Variants in ARSB observed in about 807,000 individuals in gnomAD.
The protein encoded by ARSB is N-acetylgalactosamine-4-sulfatase.
ARSB carries 41 observed loss-of-function variants against 50.9 expected under a neutral mutation model. The observed-to-expected ratio is 0.81, with a 90% confidence interval of 0.63 to 1.04. ARSB has a LOEUF of 1.04. ARSB is among the 50% of genes least tolerant of loss of function. The probability of loss-of-function intolerance (pLI) is 0.00; values close to 1 mark genes in which losing one functional copy is unlikely to be tolerated. For synonymous variants in ARSB, 269 were observed against 284.8 expected (o/e 0.94, Z 0.56); for missense variants, 672 against 693.3 (o/e 0.97, Z 0.35).
At chr5:78,933,496 C>CT (rs937159292) in intron 4 of ARSB, among the ~76,000 whole-genome samples, 9 of 152,046 alleles carry the variant, frequency 5.9e-5, no homozygotes, top group African/African-American at 2.2e-4. Context: ...ACAACAATTA[C>CT]TTTTTTTTGT....
chr5:78,827,448 C>A (rs1390186711), intron 6 of ARSB, among the ~76,000 whole-genome samples: 1 of 152,102 alleles, frequency 6.6e-6, no homozygotes, highest in South Asian at 2.1e-4. Flanking sequence ...TGGCCTCATG[C>A]AATCCACCCA....
Position 78,814,396 on chromosome 5 carries a change from T to C in ARSB, c.1213+24960A>G, listed in dbSNP as rs140907498. 5.8e-4 allele frequency among the ~76,000 whole-genome samples: 87 copies of C among 151,120 alleles called. 7 individuals carry two copies. Among genetic ancestry groups the C allele is most frequent in the African/African-American group, 2.0e-3 (80 of 40,904 alleles). ...CTAATAAGAAAGGAGAAAGAACCTG[T>C]GGGTCAAAAAGGATCATCATGAAGC... On this transcript the variant is annotated intron_variant, in intron 6 of 7. Transcript: ENST00000264914.
At chr5:78,810,972 A>G (rs1333415025) in intron 6 of ARSB, among the ~76,000 whole-genome samples, 1 of 152,262 alleles carries the variant, frequency 6.6e-6, no homozygotes, top group Non-Finnish European at 1.5e-5. Context: ...AAGTTTCTAT[A>G]GAAAATTCAG....
At chr5:78,927,459 CT>C (rs1461020890) in intron 4 of ARSB, among the ~76,000 whole-genome samples, 3 of 152,172 alleles carry the variant, frequency 2.0e-5, no homozygotes, top group African/African-American at 7.2e-5. Flanking sequence ...TAACTGAGCT[CT>C]TCCTGCCATT....
At chr5:78,890,079 G>C (rs972805622) in intron 4 of ARSB, among the ~76,000 whole-genome samples, 3 of 152,086 alleles carry the variant, frequency 2.0e-5, no homozygotes, top group Admixed American at 1.3e-4. Flanking sequence ...GCTTGTTGAT[G>C]GTTGATTCTT....
chr5:78,819,833 T>C (rs1158030213), intron 6 of ARSB, among the ~76,000 whole-genome samples: 1 of 152,198 alleles, frequency 6.6e-6, no homozygotes, highest in Non-Finnish European at 1.5e-5. Context: ...CACTGGCAAA[T>C]GGCACAGAAG....
At chr5:78,955,975 T>G (rs576620539) in intron 3 of ARSB, among the ~76,000 whole-genome samples, 1 of 152,330 alleles carries the variant, frequency 6.6e-6, no homozygotes, top group South Asian at 2.1e-4. Context: ...AAGAAACATT[T>G]TGGCAGTTCC....
chr5:78,881,396 T>C (rs1747739531), intron 5 of ARSB, among the ~76,000 whole-genome samples: 5 of 151,506 alleles, frequency 3.3e-5, no homozygotes, highest in Admixed American at 3.3e-4. Context: ...GACATCCATG[T>C]AGAAGACATA....
intron 4 of ARSB, among the ~76,000 whole-genome samples, chr5:78,947,402 G>A (rs897183218): frequency 6.6e-6 from 1 of 152,044 alleles, no homozygotes; most frequent in Non-Finnish European, 1.5e-5. Context: ...CAAATAACCA[G>A]ACTATATAAG....
At chr5:78,889,493 G>A (rs887717120) in intron 4 of ARSB, among the ~76,000 whole-genome samples, 3 of 152,124 alleles carry the variant, frequency 2.0e-5, no homozygotes, top group Non-Finnish European at 4.4e-5. Flanking sequence ...GCAAAGAAAC[G>A]TTTTTTCAGG....
At chr5:78,834,115 C>T (rs11740104) in intron 6 of ARSB, among the ~76,000 whole-genome samples, 31,246 of 151,910 alleles carry the variant, frequency 0.21, 3,910 homozygotes, top group Non-Finnish European at 0.27. Flanking sequence ...CAACTTACTA[C>T]GATGTTAGGT....
At chr5:78,905,030 G>A (rs55658241) in intron 4 of ARSB, among the ~76,000 whole-genome samples, 52,859 of 152,034 alleles carry the variant, frequency 0.35, 11,174 homozygotes, top group Non-Finnish European at 0.44. Flanking sequence ...GAAGTTCACC[G>A]ACTCTTCTTT....
At position 78,854,049 on chromosome 5, in the gene ARSB, A is replaced by G. The variant is rs573462680; in HGVS notation, c.1143-14623T>C. ...TGCCTCGCCCTGCTTAGGCTTGCGC[A>G]TGGTGCGCTGCACCCACTGTCCTGT... On this transcript the variant is annotated intron_variant, in intron 5 of 7. Coordinates refer to ENST00000264914, the MANE Select transcript of ARSB (RefSeq NM_000046.5). Among the ~76,000 whole-genome samples the G allele has an allele frequency of 1.5e-4, 23 of 152,356 alleles. No homozygotes were observed. In the South Asian group the frequency reaches 4.6e-3, roughly 30 times the overall value.
At chr5:78,982,997 G>A (rs552534600) in intron 1 of ARSB, among the ~76,000 whole-genome samples, 2 of 152,292 alleles carry the variant, frequency 1.3e-5, no homozygotes, top group East Asian at 3.9e-4. Flanking sequence ...CATAATTTTG[G>A]TGACTGGTGG....
chr5:78,850,647 C>T (rs1186714456), intron 5 of ARSB, among the ~76,000 whole-genome samples: 4 of 152,108 alleles, frequency 2.6e-5, no homozygotes, highest in Non-Finnish European at 5.9e-5. Context: ...CCAGTTCCTC[C>T]TTGTACCTCT....
chr5:78,923,493 G>A (rs1385119027), intron 4 of ARSB, among the ~76,000 whole-genome samples: 2 of 152,190 alleles, frequency 1.3e-5, no homozygotes, highest in Non-Finnish European at 1.5e-5. Flanking sequence ...GCATAGACGC[G>A]TCTACAAGAG....
intron 5 of ARSB, among the ~76,000 whole-genome samples, chr5:78,858,962 A>T (rs1746290170): frequency 6.6e-6 from 1 of 152,236 alleles, no homozygotes; most frequent in African/African-American, 2.4e-5. Flanking sequence ...CATTTTACAC[A>T]AGGAAATCAA....
chr5:78,969,896 G>C (rs1213652862), intron 1 of ARSB, among the ~76,000 whole-genome samples: 1 of 152,228 alleles, frequency 6.6e-6, no homozygotes, highest in Non-Finnish European at 1.5e-5. Context: ...TGGGATTACA[G>C]GCTTAAGCCA....
intron 4 of ARSB, among the ~76,000 whole-genome samples, chr5:78,938,647 T>C (rs2112422347): frequency 6.6e-6 from 1 of 152,300 alleles, no homozygotes; most frequent in Middle Eastern, 3.4e-3. Context: ...AGTCTGCCAA[T>C]TGCATAAGTA....
Sources: allele counts gnomAD v4.1 joint callset (sites outside exome capture counted in the v4.1 genomes callset), GRCh38; gene constraint gnomAD v4.1.1; transcripts MANE v1.5; gene names NCBI Gene and HGNC (gene_info 2026-07-23, HGNC 2026-07-21).